MAGI2: variants seen among roughly 807,000 people sequenced by gnomAD.
MAGI2 encodes the protein membrane-associated guanylate kinase, WW and PDZ domain-containing protein 2.
MAGI2 carries 35 observed loss-of-function variants against 133.3 expected under a neutral mutation model. The ratio of observed to expected loss-of-function variants is 0.26; its 90% CI spans 0.20 to 0.35. MAGI2 has a LOEUF of 0.35. Among genes scored for constraint, MAGI2 ranks in the 10% least tolerant of loss-of-function variants. MAGI2 has a pLI of 1.00. For missense variants in MAGI2, 1,636 were observed against 1,863.4 expected, an observed-to-expected ratio of 0.88 and a Z score of 2.25; for synonymous variants, 729 against 710.6, an observed-to-expected ratio of 1.03 and a Z score of -0.41.
chr7:78,489,904 G>GA lies in MAGI2; in HGVS notation c.966-65dup, dbSNP rs3086374. ...AAAAGGAATCAAGTTTATTCCTTAA[G>GA]AAAAAAAAAGCAGGGTTAGTCCAAC... On this transcript the variant is annotated intron_variant, in intron 5 of 21. Transcript: ENST00000354212. 456,228 of 1,029,784 alleles carry GA rather than the reference G, an allele frequency of 0.44. 83,832 individuals are homozygous for GA. Among genetic ancestry groups the GA allele is most frequent in the Middle Eastern group, 0.51 (2,337 of 4,598 alleles). The allele number at this position is 1,029,784 out of a possible 1,614,324, so 63.8% of individuals were successfully genotyped here. A position where few individuals can be genotyped will look rare whatever the true frequency, so the allele number is the denominator to read the frequency against.
chr7:78,141,015 G>A (rs577948060), intron 16 of MAGI2, among the ~76,000 whole-genome samples: 5 of 152,250 alleles, frequency 3.3e-5, no homozygotes, highest in African/African-American at 1.2e-4. Flanking sequence ...GGTGAGGAAC[G>A]GGAAGGTCAT....
intron 1 of MAGI2, among the ~76,000 whole-genome samples, chr7:79,185,207 G>A (rs955550324): frequency 2.6e-5 from 4 of 151,774 alleles, no homozygotes; most frequent in Non-Finnish European, 4.4e-5. Context: ...AGAAAGAAAA[G>A]GATCTGAAGG....
chr7:78,238,302 C>T (rs1034463327), intron 10 of MAGI2, among the ~76,000 whole-genome samples: 1 of 152,086 alleles, frequency 6.6e-6, no homozygotes, highest in African/African-American at 2.4e-5. Context: ...TTGACATGTC[C>T]CAGACTGGAT....
intron 10 of MAGI2, among the ~76,000 whole-genome samples, chr7:78,219,511 CCT>C (rs1428312207): frequency 1.3e-5 from 2 of 152,080 alleles, no homozygotes; most frequent in African/African-American, 4.8e-5. Context: ...ATCCTCAGGG[CCT>C]CTCGTACTAC....
chr7:78,685,961 CTTTTTTTTCTTTTCTTTTT>C (rs774094661), intron 2 of MAGI2, among the ~76,000 whole-genome samples: 78 of 122,518 alleles, frequency 6.4e-4, no homozygotes, highest in Non-Finnish European at 1.2e-3. Context: ...CTTTCTTTTT[CTTTTTTTTCTTTTCTTTTT>C]TTTTTTTGTC....
At chr7:78,302,506 T>C (rs1176599921) in intron 9 of MAGI2, among the ~76,000 whole-genome samples, 1 of 152,206 alleles carries the variant, frequency 6.6e-6, no homozygotes, top group African/African-American at 2.4e-5. Context: ...TGACCTTTAA[T>C]TTCACTCTCT....
intron 6 of MAGI2, among the ~76,000 whole-genome samples, chr7:78,370,288 T>C (rs562462250): frequency 9.2e-5 from 14 of 152,086 alleles, no homozygotes; most frequent in African/African-American, 3.4e-4. Context: ...TTTTATAGCC[T>C]TATATTTCTA....
intron 2 of MAGI2, among the ~76,000 whole-genome samples, chr7:78,712,646 C>T (rs1307817616): frequency 6.6e-6 from 1 of 152,082 alleles, no homozygotes; most frequent in East Asian, 1.9e-4. Flanking sequence ...GCAGTAGGTG[C>T]ATTTTAGTTG....
chr7:79,165,830 A>G (rs941329753), intron 1 of MAGI2, among the ~76,000 whole-genome samples: 1 of 152,108 alleles, frequency 6.6e-6, no homozygotes, highest in Non-Finnish European at 1.5e-5. Context: ...TACATATTAC[A>G]AATTTTATAA....
At chr7:78,472,121 C>T (rs1791269296) in intron 6 of MAGI2, among the ~76,000 whole-genome samples, 1 of 152,088 alleles carries the variant, frequency 6.6e-6, no homozygotes, top group Non-Finnish European at 1.5e-5. Flanking sequence ...CAAGTGTTTA[C>T]ATAAACTAGG....
At chr7:78,461,417 T>C (rs12334233) in intron 6 of MAGI2, among the ~76,000 whole-genome samples, 9,945 of 147,206 alleles carry the variant, frequency 0.068, 520 homozygotes, top group African/African-American at 0.15. Flanking sequence ...TGTGTGTGTG[T>C]GTGTGTGTTG....
At chr7:79,198,793 C>T (rs778643514) in intron 1 of MAGI2, among the ~76,000 whole-genome samples, 16 of 151,874 alleles carry the variant, frequency 1.1e-4, no homozygotes, top group Non-Finnish European at 2.1e-4. Context: ...GAGGCTGAGG[C>T]AGGAGAATCG....
chr7:78,124,127 G>A (rs1240552065), intron 20 of MAGI2, among the ~76,000 whole-genome samples: 1 of 152,152 alleles, frequency 6.6e-6, no homozygotes, highest in African/African-American at 2.4e-5. Context: ...TCTCTCACAG[G>A]GCTCTGGCCA....
intron 2 of MAGI2, among the ~76,000 whole-genome samples, chr7:78,831,346 G>A (rs1233057912): frequency 6.6e-6 from 1 of 151,894 alleles, no homozygotes; most frequent in Admixed American, 6.6e-5. Flanking sequence ...TTTCTTCTTT[G>A]AGTAAGAATC....
intron 2 of MAGI2, among the ~76,000 whole-genome samples, chr7:78,901,083 G>A (rs774673765): frequency 2.0e-5 from 3 of 152,156 alleles, no homozygotes; most frequent in Non-Finnish European, 2.9e-5. Flanking sequence ...AGCATTATAG[G>A]AAACACCTCA....
chr7:79,034,661 T>C (rs1269436286), intron 1 of MAGI2, among the ~76,000 whole-genome samples: 2 of 152,120 alleles, frequency 1.3e-5, no homozygotes, highest in Admixed American at 1.3e-4. Context: ...TATAACTAAA[T>C]CTTCACTCCC....
At chr7:78,612,580 G>A (rs1011761710) in intron 3 of MAGI2, among the ~76,000 whole-genome samples, 5 of 152,068 alleles carry the variant, frequency 3.3e-5, no homozygotes, top group African/African-American at 4.8e-5. Context: ...TCCCCTACCA[G>A]CCTCCTAATG....
intron 9 of MAGI2, among the ~76,000 whole-genome samples, chr7:78,340,459 T>C (rs947205894): frequency 6.6e-6 from 1 of 152,146 alleles, no homozygotes; most frequent in African/African-American, 2.4e-5. Context: ...CATTTTATGA[T>C]GCCAGCATCA....
chr7:79,087,471 T>C (rs1816620569), intron 1 of MAGI2, among the ~76,000 whole-genome samples: 1 of 151,974 alleles, frequency 6.6e-6, no homozygotes. Flanking sequence ...TATTTTATAA[T>C]GAATATAAAA....
Sources: allele counts gnomAD v4.1 joint callset (sites outside exome capture counted in the v4.1 genomes callset), GRCh38; gene constraint gnomAD v4.1.1; transcripts MANE v1.5; gene names NCBI Gene and HGNC (gene_info 2026-07-23, HGNC 2026-07-21).